Variants in WWOX observed in about 807,000 individuals in gnomAD.
The protein encoded by WWOX is WW domain containing oxidoreductase, also known as WW domain-containing oxidoreductase.
A neutral mutation model predicts 46.2 loss-of-function variants in WWOX; 69 were observed. The observed-to-expected ratio is 1.49, with a 90% CI of 1.23 to 1.82. The LOEUF (loss-of-function observed/expected upper bound fraction) is 1.82, where lower values mean the gene tolerates loss of function less well. Ranked by LOEUF, WWOX falls within the 40% of genes most tolerant of loss-of-function variation. WWOX has a pLI of 0.00. For synonymous variants in WWOX, 359 were observed against 202.6 expected (o/e 1.77, Z -6.56); for missense variants, 919 against 542.6 (o/e 1.69, Z -6.89).
chr16:78,420,740 G>A (rs74331387), intron 6 of WWOX, among the ~76,000 whole-genome samples: 4,800 of 150,412 alleles, frequency 0.032, 255 homozygotes, highest in African/African-American at 0.11. Context: ...TAAAACAGCT[G>A]TACAGTATAC....
At chr16:78,825,551 G>T in intron 8 of WWOX, 1 of 529,418 alleles carries the variant, frequency 1.9e-6, no homozygotes, top group Non-Finnish European at 3.8e-6. Flanking sequence ...CTGAAAAGGT[G>T]GCCCCAGAGG....
At chr16:78,369,089 G>A (rs1245322541) in intron 5 of WWOX, among the ~76,000 whole-genome samples, 1 of 148,046 alleles carries the variant, frequency 6.8e-6, no homozygotes, top group Non-Finnish European at 1.5e-5. Context: ...CTTCTTTAGA[G>A]TTTGTTTTCT....
chr16:78,828,347 G>A (rs559879950), intron 8 of WWOX, among the ~76,000 whole-genome samples: 1 of 152,220 alleles, frequency 6.6e-6, no homozygotes, highest in South Asian at 2.1e-4. Context: ...TAGGAGGTTG[G>A]GCTGGAGGTG....
intron 5 of WWOX, among the ~76,000 whole-genome samples, chr16:78,318,043 C>G (rs2080390674): frequency 6.6e-6 from 1 of 152,084 alleles, no homozygotes; most frequent in South Asian, 2.1e-4. Context: ...CCCTGGAGCA[C>G]AAAAGATCCA....
At chr16:78,804,103 T>C (rs1169030767) in intron 8 of WWOX, among the ~76,000 whole-genome samples, 1 of 152,116 alleles carries the variant, frequency 6.6e-6, no homozygotes, top group African/African-American at 2.4e-5. Flanking sequence ...CCCGCCGCAG[T>C]GGAGATTGTG....
intron 8 of WWOX, among the ~76,000 whole-genome samples, chr16:78,821,620 A>G (rs2051497010): frequency 6.6e-6 from 1 of 152,208 alleles, no homozygotes; most frequent in East Asian, 1.9e-4. Flanking sequence ...GTCAATGTTT[A>G]TAACTTTTAA....
chr16:79,110,022 A>T (rs1597384542), intron 8 of WWOX, among the ~76,000 whole-genome samples: 1 of 152,272 alleles, frequency 6.6e-6, no homozygotes, highest in Non-Finnish European at 1.5e-5. Context: ...GGGAAATCTC[A>T]ATTTATTGCT....
chr16:78,662,590 A>C lies in WWOX; in HGVS notation c.1056+229838A>C, dbSNP rs72794737. On this transcript the variant is annotated intron_variant, in intron 8 of 8. Coordinates refer to ENST00000566780, the MANE Select transcript of WWOX (RefSeq NM_016373.4). ...TGAGAAAACAGAAGGAGCACCAGGC[A>C]GTCGTGGGCTTGATTTTTATTTTAC... is the stretch of plus-strand genomic sequence containing the variant. Among the ~76,000 whole-genome samples the C allele has an allele frequency of 9.2e-3, 1,407 of 152,292 alleles. 13 individuals carry two copies. Among genetic ancestry groups the C allele is most frequent in the Middle Eastern group, 0.024 (7 of 294 alleles).
intron 8 of WWOX, among the ~76,000 whole-genome samples, chr16:79,188,160 T>G (rs971767805): frequency 6.6e-6 from 1 of 152,082 alleles, no homozygotes; most frequent in Non-Finnish European, 1.5e-5. Context: ...ACCCACGAAG[T>G]CTTGAGCTAA....
intron 5 of WWOX, among the ~76,000 whole-genome samples, chr16:78,364,483 C>A (rs1469038485): frequency 6.6e-6 from 1 of 151,554 alleles, no homozygotes; most frequent in African/African-American, 2.4e-5. Flanking sequence ...TCTGATCTTA[C>A]AGTTATTACT....
At chr16:78,190,028 T>A (rs1329213905) in intron 5 of WWOX, among the ~76,000 whole-genome samples, 3 of 152,172 alleles carry the variant, frequency 2.0e-5, no homozygotes, top group Non-Finnish European at 4.4e-5. Flanking sequence ...TGTTATCTTG[T>A]CCAGCACATG....
chr16:78,269,910 G>A (rs1829260395), intron 5 of WWOX, among the ~76,000 whole-genome samples: 1 of 109,430 alleles, frequency 9.1e-6, no homozygotes, highest in African/African-American at 4.2e-5. Flanking sequence ...CTATACATAA[G>A]GAAGTTTTTT....
intron 8 of WWOX, chr16:78,495,975 G>C (rs921789038): frequency 2.6e-5 from 4 of 152,170 alleles, no homozygotes; most frequent in African/African-American, 9.7e-5. Flanking sequence ...TCTTTAAACG[G>C]ATAACCACAG....
At chr16:78,707,890 G>T (rs557425503) in intron 8 of WWOX, among the ~76,000 whole-genome samples, 106 of 146,776 alleles carry the variant, frequency 7.2e-4, no homozygotes, top group Non-Finnish European at 1.4e-3. Flanking sequence ...AATAAATAAA[G>T]TATCTGTCCC....
At chr16:78,671,007 C>G (rs2047449813) in intron 8 of WWOX, among the ~76,000 whole-genome samples, 1 of 151,910 alleles carries the variant, frequency 6.6e-6, no homozygotes, top group Non-Finnish European at 1.5e-5. Flanking sequence ...AATGCCAAGG[C>G]TGTGGCTACA....
At chr16:78,610,393 T>A (rs2151629433) in intron 8 of WWOX, among the ~76,000 whole-genome samples, 1 of 152,314 alleles carries the variant, frequency 6.6e-6, no homozygotes, top group African/African-American at 2.4e-5. Context: ...CTAAAGGAGA[T>A]AACTATTTCT....
intron 4 of WWOX, among the ~76,000 whole-genome samples, chr16:78,131,406 G>C (rs1467523407): frequency 6.6e-6 from 1 of 151,996 alleles, no homozygotes; most frequent in Non-Finnish European, 1.5e-5. Context: ...ATAGAGATGA[G>C]GTCTTGCTAT....
At chr16:78,514,822 C>G (rs144823134) in intron 8 of WWOX, among the ~76,000 whole-genome samples, 1 of 152,106 alleles carries the variant, frequency 6.6e-6, no homozygotes, top group Non-Finnish European at 1.5e-5. Context: ...TCAGAAAAGA[C>G]CAATGAATTA....
chr16:78,371,604 T>C (rs2081688341), intron 5 of WWOX, among the ~76,000 whole-genome samples: 1 of 152,224 alleles, frequency 6.6e-6, no homozygotes, highest in African/African-American at 2.4e-5. Context: ...TATGGCTGTG[T>C]TATTTGGCAC....
Sources: gnomAD v4.1 joint callset for allele counts (sites outside exome capture counted in the v4.1 genomes callset) on GRCh38, gnomAD v4.1.1 for gene constraint, MANE v1.5 for transcripts, NCBI Gene and HGNC (gene_info 2026-07-23, HGNC 2026-07-21) for gene names.